RBPJ: variants seen among roughly 807,000 people sequenced by gnomAD.
RBPJ encodes the protein recombining binding protein suppressor of hairless.
A neutral mutation model predicts 67.8 loss-of-function variants in RBPJ; 9 were observed. The observed-to-expected ratio is 0.13, with a 90% CI of 0.08 to 0.23. The LOEUF (loss-of-function observed/expected upper bound fraction) is 0.23. Among genes scored for constraint, RBPJ ranks in the 10% least tolerant of loss-of-function variants. The pLI is 1.00. For synonymous variants in RBPJ, 198 were observed against 203.3 expected (o/e 0.97, Z 0.22); for missense variants, 305 against 595.6 (o/e 0.51, Z 5.08).
intron 5 of RBPJ, among the ~76,000 whole-genome samples, chr4:26,422,040 G>T (rs1165663964): frequency 2.0e-5 from 3 of 152,072 alleles, no homozygotes; most frequent in Admixed American, 2.0e-4. Flanking sequence ...TGAAGAAACT[G>T]GATCATTTTT....
At chr4:26,196,419 T>G (rs558444389) in intron 1 of RBPJ, among the ~76,000 whole-genome samples, 1 of 152,336 alleles carries the variant, frequency 6.6e-6, no homozygotes, top group Non-Finnish European at 1.5e-5. Context: ...AGTGGCTGCC[T>G]GGGACTGAGG....
intron 8 of RBPJ, 148 bp downstream of exon 8, chr4:26,429,008 A>T: frequency 1.6e-6 from 1 of 617,652 alleles, no homozygotes; most frequent in Non-Finnish European, 2.8e-6. Context: ...AGCATCCTTA[A>T]CACACAATCC....
At chr4:26,297,594 A>C (rs1029534554) in intron 1 of RBPJ, among the ~76,000 whole-genome samples, 3 of 152,142 alleles carry the variant, frequency 2.0e-5, no homozygotes, top group Non-Finnish European at 2.9e-5. Context: ...CTGGCTAAAG[A>C]GACAGAGCAT....
At chr4:26,188,310 A>G (rs1315294937) in intron 1 of RBPJ, among the ~76,000 whole-genome samples, 1 of 152,210 alleles carries the variant, frequency 6.6e-6, no homozygotes, top group Admixed American at 6.6e-5. Flanking sequence ...TTTTAATAAA[A>G]GGATCTTAAT....
Position 26,264,983 on chromosome 4 carries a change from A to C in RBPJ, c.-166-97463A>C, listed in dbSNP as rs531183967. 6.6e-6 allele frequency among the ~76,000 whole-genome samples: 1 copy of C among 152,362 alleles called. No individual in the cohort carries two copies. Among genetic ancestry groups the C allele is most frequent in the African/African-American group, 2.4e-5 (1 of 41,590 alleles). ...CAAATATGAGACTCAAAGAAAGGAC[A>C]GATGGTTGAAGTATTTATACCCTAT... On this transcript the variant is annotated intron_variant, in intron 1 of 4. Transcript: ENST00000512351. This position sits in a 1 kb window ranked among gnomAD's most constrained non-coding sequence, Gnocchi z 4.1.
At chr4:26,136,988 C>T in the RBPJ span, among the ~76,000 whole-genome samples, 5 of 152,128 alleles carry the variant, frequency 3.3e-5, no homozygotes, top group African/African-American at 1.2e-4. Context: ...GACAAAATTG[C>T]GGAAATAAAC....
At chr4:26,155,938 G>T in the RBPJ span, among the ~76,000 whole-genome samples, 2 of 152,106 alleles carry the variant, frequency 1.3e-5, no homozygotes, top group Admixed American at 1.3e-4. Context: ...CATTTTATCT[G>T]TGTAATCCAG....
chr4:26,355,401 G>T (rs751663639), intron 1 of RBPJ, among the ~76,000 whole-genome samples: 2 of 151,172 alleles, frequency 1.3e-5, no homozygotes, highest in African/African-American at 4.9e-5. Context: ...GCTCACACCT[G>T]TAATCTCACA....
chr4:26,147,701 C>T, the RBPJ span, among the ~76,000 whole-genome samples: 22 of 152,260 alleles, frequency 1.4e-4, no homozygotes, highest in South Asian at 4.1e-3. Flanking sequence ...TTACTGCAAG[C>T]TCCGCCTCCT....
chr4:26,159,677 G>A (rs1003870353), upstream of RBPJ, among the ~76,000 whole-genome samples: 4 of 152,220 alleles, frequency 2.6e-5, 1 homozygote, highest in African/African-American at 9.6e-5. Flanking sequence ...GGAAGATATA[G>A]TGTGATATTA....
intron 1 of RBPJ, among the ~76,000 whole-genome samples, chr4:26,247,043 G>A (rs567795884): frequency 6.7e-6 from 1 of 149,592 alleles, no homozygotes; most frequent in African/African-American, 2.5e-5. Context: ...TGCAATCATG[G>A]CTCACTGCAG....
At chr4:26,253,026 A>G (rs903260586) in intron 1 of RBPJ, among the ~76,000 whole-genome samples, 1 of 152,218 alleles carries the variant, frequency 6.6e-6, no homozygotes, top group African/African-American at 2.4e-5. Context: ...TATTTAAAGC[A>G]TCTGGGTTAT....
chr4:26,272,404 A>G (rs548148918), intron 1 of RBPJ, among the ~76,000 whole-genome samples: 1 of 152,056 alleles, frequency 6.6e-6, no homozygotes, highest in East Asian at 1.9e-4. Context: ...CATCTGTACA[A>G]AAAAAATTTT....
intron 1 of RBPJ, among the ~76,000 whole-genome samples, chr4:26,171,412 T>A (rs1207310254): frequency 6.6e-6 from 1 of 152,046 alleles, no homozygotes; most frequent in East Asian, 1.9e-4. Flanking sequence ...TAAAAAAAAG[T>A]CTCAAATTAG....
the RBPJ span, among the ~76,000 whole-genome samples, chr4:26,120,956 AG>A: frequency 3.4e-5 from 5 of 149,146 alleles, no homozygotes; most frequent in South Asian, 8.7e-4. Context: ...AGAGAGATGA[AG>A]GGGGGAAAGG....
intron 1 of RBPJ, among the ~76,000 whole-genome samples, chr4:26,176,347 A>C (rs902768970): frequency 4.6e-5 from 7 of 152,180 alleles, no homozygotes; most frequent in African/African-American, 9.6e-5. Context: ...AACCAGACTC[A>C]CTGAGTTTAA....
intron 1 of RBPJ, among the ~76,000 whole-genome samples, chr4:26,374,494 G>A (rs1729505305): frequency 2.9e-5 from 4 of 136,122 alleles, no homozygotes; most frequent in Admixed American, 7.6e-5. Flanking sequence ...TTTTTTTTTC[G>A]AGATGGAATC....
intron 1 of RBPJ, among the ~76,000 whole-genome samples, chr4:26,346,179 C>T (rs551958183): frequency 3.9e-5 from 6 of 152,068 alleles, no homozygotes; most frequent in South Asian, 2.1e-4. Context: ...TGGACATGCA[C>T]GAGGAGTTCA....
intron 3 of RBPJ, among the ~76,000 whole-genome samples, chr4:26,407,812 A>G (rs1733588766): frequency 6.6e-6 from 1 of 151,800 alleles, no homozygotes; most frequent in Non-Finnish European, 1.5e-5. Context: ...TTTACATGTT[A>G]AAAGAGAATT....
Sources: allele counts gnomAD v4.1 joint callset (sites outside exome capture counted in the v4.1 genomes callset), GRCh38; gene constraint gnomAD v4.1.1; non-coding constraint Gnocchi (gnomAD v3.1); transcripts MANE v1.5; gene names NCBI Gene and HGNC (gene_info 2026-07-23, HGNC 2026-07-21).